The following ZNF496 variants were observed in gnomAD, a reference collection of about 807,000 sequenced individuals.
ZNF496 encodes NSD1 (nuclear receptor binding SET-domain containing 1)-interacting zinc finger protein 1.
In ZNF496, 11 loss-of-function variants were observed where a neutral mutation model predicts 58.9. That is an observed-to-expected ratio of 0.19 (90% CI 0.12 to 0.31). The LOEUF is 0.31. ZNF496 is among the 10% of genes least tolerant of loss of function. The probability of loss-of-function intolerance (pLI) is 1.00; values close to 1 mark genes in which losing one functional copy is unlikely to be tolerated. For synonymous variants in ZNF496, 338 were observed against 318.2 expected (o/e 1.06, Z -0.66); for missense variants, 660 against 783.0 (o/e 0.84, Z 1.88).
intron 5 of ZNF496, 77 bp from the exon 6 acceptor site, chr1:247,323,307 G>A (rs373456742): frequency 2.2e-5 from 23 of 1,053,116 alleles, no homozygotes; most frequent in African/African-American, 6.3e-5. Flanking sequence ...AGCTTCCTGC[G>A]GCTCTTCATT....
chr1:247,316,629 T>C (rs973884490), intron 6 of ZNF496, among the ~76,000 whole-genome samples: 12 of 152,104 alleles, frequency 7.9e-5, no homozygotes, highest in Admixed American at 2.6e-4. Flanking sequence ...CCTCCATAAA[T>C]ATGAGAAGTC....
In ZNF496 at chr1:247,309,411, T is replaced by C. The variant is rs1432957121; in HGVS notation, c.892+288A>G. On this transcript the variant is annotated intron_variant, in intron 8 of 9. Coordinates refer to ENST00000682384, the MANE Select transcript of ZNF496 (RefSeq NM_032752.3). The surrounding 1 kb of genome is among the most constrained non-coding windows in gnomAD (Gnocchi z 4.3). ...CTTCACTCCTGGAGGGGCTGCTGCA[T>C]TGTCAGCACAAACCAGATGTTACTT... 4 of 1,245,624 alleles carry C rather than the reference T, an allele frequency of 3.2e-6. No individual in the cohort carries two copies. Among genetic ancestry groups the C allele is most frequent in the African/African-American group, 3.1e-5 (2 of 65,372 alleles). The allele number at this position is 1,245,624 out of a possible 1,614,324, so 77.2% of individuals were successfully genotyped here.
chr1:247,310,007 C>CT (rs1659541603), intron 7 of ZNF496: 1 of 1,410,570 alleles, frequency 7.1e-7, no homozygotes, highest in Non-Finnish European at 9.3e-7. Context: ...GGGGGTCTCT[C>CT]TGAGGCTTTC....
intron 9 of ZNF496, chr1:247,307,934 C>T (rs1659468665): frequency 1.4e-5 from 14 of 985,426 alleles, no homozygotes; most frequent in Non-Finnish European, 1.7e-5. Context: ...ATGGAACATA[C>T]ACTTTCCAAG....
At chr1:247,303,739 AACTG>A (rs1659319305) in intron 9 of ZNF496, among the ~76,000 whole-genome samples, 2 of 152,184 alleles carry the variant, frequency 1.3e-5, no homozygotes, top group Non-Finnish European at 2.9e-5. Context: ...GAGAGAGATA[AACTG>A]AAGAAGGAAT....
At chr1:247,307,148 G>C (rs1441748221) in intron 9 of ZNF496, 1 of 985,470 alleles carries the variant, frequency 1.0e-6, no homozygotes, top group Non-Finnish European at 1.2e-6. Context: ...ATCTGGGAGT[G>C]TCCTGCGTGG....
chr1:247,330,766 C>A (rs1247677282), intron 2 of ZNF496, among the ~76,000 whole-genome samples: 1 of 152,246 alleles, frequency 6.6e-6, no homozygotes, highest in Non-Finnish European at 1.5e-5. Flanking sequence ...CCAGCGTGGC[C>A]GCGTCTTAAC....
intron 5 of ZNF496, among the ~76,000 whole-genome samples, 178 bp downstream of exon 5, chr1:247,328,505 T>C (rs948171434): frequency 6.6e-6 from 1 of 151,842 alleles, no homozygotes; most frequent in African/African-American, 2.4e-5. Flanking sequence ...CCTGATGAGG[T>C]TCTCATTTAA....
chr1:247,321,127 G>A (rs982397965), intron 6 of ZNF496, among the ~76,000 whole-genome samples: 4 of 151,954 alleles, frequency 2.6e-5, no homozygotes, highest in African/African-American at 7.2e-5. Flanking sequence ...GATGAGCCGA[G>A]ATCGAGCCAC....
intron 9 of ZNF496, among the ~76,000 whole-genome samples, chr1:247,306,514 CT>C (rs371629419): frequency 8.2e-4 from 105 of 128,498 alleles, no homozygotes; most frequent in East Asian, 4.4e-3. Flanking sequence ...TTTTCTTTTT[CT>C]TTTTTTTTTT....
intron 6 of ZNF496, chr1:247,312,175 T>A (rs1337720402): frequency 6.6e-6 from 1 of 152,218 alleles, no homozygotes; most frequent in African/African-American, 2.4e-5. Flanking sequence ...TCTTTTCACA[T>A]TTCACAAGCT....
chr1:247,329,235 G>A lies in ZNF496; in HGVS notation c.344C>T (p.Ala115Val), dbSNP rs1309424331. 6.2e-7 allele frequency: 1 copy of A among 1,613,496 alleles called. No individual in the cohort carries two copies. Among genetic ancestry groups the A allele is most frequent in the Non-Finnish European group, 8.5e-7 (1 of 1,180,014 alleles). The change falls in exon 4 of 10, where the codon GCC (alanine) becomes GTC (valine). Residue 115 changes from alanine (A) to valine (V), a missense_variant. By Grantham distance (64) the Ala-to-Val change is moderately conservative. Coordinates refer to ENST00000682384, the MANE Select transcript of ZNF496 (RefSeq NM_032752.3). The surrounding 1 kb of genome is among the most constrained non-coding windows in gnomAD (Gnocchi z 5.5). ...QEPESGEQAV[A>V]AVEALEREPG... ...CTCCCGTTCCAGTGCCTCCACCGCGGCCACAGCCTGCTCTCCGCTCTCAGG... is the reference window on the plus strand; with the variant it reads ...CTCCCGTTCCAGTGCCTCCACCGCGACCACAGCCTGCTCTCCGCTCTCAGG...
chr1:247,303,348 A>G (rs2103016143), intron 9 of ZNF496, among the ~76,000 whole-genome samples: 1 of 152,360 alleles, frequency 6.6e-6, no homozygotes, highest in East Asian at 1.9e-4. Context: ...TAAGTCACCC[A>G]GCCTGTGGTA....
intron 9 of ZNF496, chr1:247,307,039 G>A: frequency 5.3e-6 from 5 of 946,958 alleles, no homozygotes; most frequent in Non-Finnish European, 5.0e-6. Context: ...AAGGATAAAT[G>A]AATACTAACT....
At chr1:247,302,734 G>A (rs556332201) in intron 9 of ZNF496, among the ~76,000 whole-genome samples, 6 of 152,230 alleles carry the variant, frequency 3.9e-5, no homozygotes, top group South Asian at 2.1e-4. Flanking sequence ...GGGTCATCTC[G>A]TCTACAAGGT....
At position 247,308,893 on chromosome 1, in the gene ZNF496, T is replaced by A; in HGVS notation, c.893-305A>T. 2.7e-6 allele frequency: 1 copy of A among 371,540 alleles called. No homozygotes were observed. The highest frequency in any genetic ancestry group is 2.3e-5 in the South Asian group (1 of 44,070). 23.0% of individuals were successfully genotyped at this position (371,540 alleles called of 1,614,324 possible). A position where few individuals can be genotyped will look rare whatever the true frequency, so the allele number is the denominator to read the frequency against. On this transcript the variant is annotated intron_variant, in intron 8 of 9. Coordinates refer to ENST00000682384, the MANE Select transcript of ZNF496 (RefSeq NM_032752.3). This position sits in a 1 kb window ranked among gnomAD's most constrained non-coding sequence, Gnocchi z 4.5. ...CAGCCCCATATTTATTCCCACTTTC[T>A]GTGGTGGGTTTTCTATAGTCATCAC... is the stretch of plus-strand genomic sequence containing the variant.
At chr1:247,327,903 A>G (rs1366021648) in intron 5 of ZNF496, among the ~76,000 whole-genome samples, 1 of 152,010 alleles carries the variant, frequency 6.6e-6, no homozygotes, top group Non-Finnish European at 1.5e-5. Context: ...ACTTCCTTCA[A>G]CCCAAGGGCG....
chr1:247,328,564 G>A (rs1660215510), intron 5 of ZNF496, 119 bp downstream of exon 5: 1 of 1,090,764 alleles, frequency 9.2e-7, no homozygotes, highest in Admixed American at 2.7e-5. Context: ...CAGCACCTCG[G>A]GGACACGAGA....
At chr1:247,328,257 T>G (rs1399379346) in intron 5 of ZNF496, among the ~76,000 whole-genome samples, 1 of 152,184 alleles carries the variant, frequency 6.6e-6, no homozygotes, top group Non-Finnish European at 1.5e-5. Context: ...AGCATCACAA[T>G]ACTCCTGTAA....
Sources: allele counts gnomAD v4.1 joint callset (sites outside exome capture counted in the v4.1 genomes callset), GRCh38; gene constraint gnomAD v4.1.1; non-coding constraint Gnocchi (gnomAD v3.1); transcripts MANE v1.5; gene names NCBI Gene and HGNC (gene_info 2026-07-23, HGNC 2026-07-21).